The following CD163 variants were observed in gnomAD, a reference collection of about 807,000 sequenced individuals.
CD163 encodes scavenger receptor cysteine-rich type 1 protein M130.
Under a neutral mutation model 129.2 loss-of-function variants are expected in CD163, and 64 were observed. That is an observed-to-expected ratio of 0.50 (90% CI 0.41 to 0.61). The LOEUF (loss-of-function observed/expected upper bound fraction) is 0.61, where lower values mean the gene tolerates loss of function less well. Ranked by LOEUF, CD163 falls within the 20% of genes least tolerant of loss-of-function variation. The pLI is 0.00. For synonymous variants in CD163, 446 were observed against 478.5 expected (o/e 0.93, Z 0.89); for missense variants, 1,061 against 1,377.9 (o/e 0.77, Z 3.64).
At position 7,479,799 on chromosome 12, in the gene CD163, C is replaced by G. The variant is rs191084457; in HGVS notation, c.*31+61G>C. 242 of 1,553,224 alleles carry G rather than the reference C, an allele frequency of 1.6e-4. No individual in the cohort carries two copies. In the African/African-American group the frequency reaches 2.9e-3, roughly 19 times the overall value. On this transcript the variant is annotated intron_variant, in intron 16 of 16. Coordinates refer to ENST00000432237, the MANE Select transcript of CD163 (RefSeq NM_203416.4). Reference sequence around the variant, plus strand: ...CTTTCTTTCTAATGCCAGAAGAGCTCTCAGTCCTCAAAAGGAATGCAGCTG... The same window carrying G: ...CTTTCTTTCTAATGCCAGAAGAGCTGTCAGTCCTCAAAAGGAATGCAGCTG...
At chr12:7,474,057 C>T (rs1333181234) in intron 16 of CD163, among the ~76,000 whole-genome samples, 1 of 152,242 alleles carries the variant, frequency 6.6e-6, no homozygotes, top group Middle Eastern at 3.4e-3. Context: ...GCACCCAATA[C>T]AGGAGCACCC....
rs765718946 is a variant in CD163 at position 7,490,798 on chromosome 12, C to T, written c.1421-2711G>A. On this transcript the variant is annotated intron_variant, in intron 6 of 16. Transcript: ENST00000432237. ...TTTCACCCATTATCCATTAAATCTG[C>T]GCAAAGCAAATTCCTATCCAAATTT... Among the ~76,000 whole-genome samples the T allele has an allele frequency of 3.2e-4, 48 of 152,056 alleles. No individual in the cohort carries two copies. In the South Asian group the frequency reaches 9.5e-3, roughly 30 times the overall value.
intron 14 of CD163, among the ~76,000 whole-genome samples, chr12:7,482,328 A>T (rs1341470993): frequency 6.6e-6 from 1 of 152,110 alleles, no homozygotes; most frequent in African/African-American, 2.4e-5. Context: ...AATGCAACCT[A>T]AACCCCTTTT....
At chr12:7,471,991 G>A (rs1949012367) in intron 16 of CD163, 1 of 152,324 alleles carries the variant, frequency 6.6e-6, no homozygotes, top group African/African-American at 2.4e-5. Flanking sequence ...CCGTTGGCCA[G>A]ATTGCCTCTC....
intron 3 of CD163, among the ~76,000 whole-genome samples, chr12:7,500,051 T>C (rs1949457587): frequency 6.6e-6 from 1 of 152,170 alleles, no homozygotes; most frequent in Non-Finnish European, 1.5e-5. Flanking sequence ...TCATGATGCC[T>C]GGACAGAGAT....
Position 7,483,751 on chromosome 12 carries a change from T to A in CD163, c.2780-76A>T, listed in dbSNP as rs774995271. The A allele has an allele frequency of 1.6e-4, 148 of 903,802 alleles. No individual in the cohort carries two copies. In the African/African-American group the frequency reaches 2.0e-3, roughly 12 times the overall value. The allele number at this position is 903,802 out of a possible 1,614,324, so 56.0% of individuals were successfully genotyped here. A position where few individuals can be genotyped will look rare whatever the true frequency, so the allele number is the denominator to read the frequency against. On this transcript the variant is annotated intron_variant, in intron 11 of 16. Coordinates refer to ENST00000432237, the MANE Select transcript of CD163 (RefSeq NM_203416.4). ...AGGAGTTCACAGGTGAAAAGAGAGA[T>A]TTGAAACTTAAAAAAAAAAAAAAAC...
At chr12:7,500,072 T>A (rs1296956887) in intron 3 of CD163, among the ~76,000 whole-genome samples, 2 of 152,094 alleles carry the variant, frequency 1.3e-5, no homozygotes, top group African/African-American at 4.8e-5. Context: ...AAGTCCTTTC[T>A]ATAGTCAGTC....
intron 3 of CD163, 121 bp downstream of exon 3, chr12:7,501,018 T>C: frequency 1.3e-6 from 1 of 784,254 alleles, no homozygotes; most frequent in Non-Finnish European, 2.1e-6. Context: ...ATGGATGGAG[T>C]ACTTTTATAC....
In CD163 at chr12:7,485,772, A is replaced by G. The variant is rs75755940; in HGVS notation, c.2459-356T>C. ...AGTTAAAATTGTTAGACACTCAGGC[A>G]CTAAAATCAATGTTTTGTGTACATC... On this transcript the variant is annotated intron_variant, in intron 10 of 16. Coordinates refer to ENST00000432237, the MANE Select transcript of CD163 (RefSeq NM_203416.4). The surrounding 1 kb of genome is among the most constrained non-coding windows in gnomAD (Gnocchi z 4.5). Among the ~76,000 whole-genome samples, 5,043 of 152,216 alleles carry G rather than the reference A, an allele frequency of 0.033. 160 individuals are homozygous for G. Among genetic ancestry groups the G allele is most frequent in the Middle Eastern group, 0.065 (19 of 292 alleles).
chr12:7,502,342 A>G, intron 2 of CD163, 136 bp downstream of exon 2: 1 of 719,124 alleles, frequency 1.4e-6, no homozygotes, highest in Non-Finnish European at 2.5e-6. Context: ...GCTTTTAATA[A>G]TATCTGATCC....
chr12:7,482,819 C>T, intron 13 of CD163, 57 bp from the exon 14 acceptor site: 1 of 1,601,322 alleles, frequency 6.2e-7, no homozygotes, highest in Non-Finnish European at 8.5e-7. Context: ...AGATCAAGGT[C>T]CCTAGTTACT....
chr12:7,477,772 C>T (rs1949107444), intron 16 of CD163, among the ~76,000 whole-genome samples: 3 of 152,116 alleles, frequency 2.0e-5, no homozygotes, highest in African/African-American at 7.2e-5. Flanking sequence ...AAAAAAGAAT[C>T]GTCATTTTTT....
chr12:7,472,136 G>A lies in CD163; in HGVS notation c.*32-739C>T, dbSNP rs12317102. On this transcript the variant is annotated intron_variant, in intron 16 of 16. Coordinates refer to ENST00000432237, the MANE Select transcript of CD163 (RefSeq NM_203416.4). ...GGGCGGCTGTGGGTGCAGCTTCAGC[G>A]CACTTAAACATTCCTGTCTTCTGGC... 6.2e-3 allele frequency among the ~76,000 whole-genome samples: 943 copies of A among 152,298 alleles called. 12 individuals are homozygous for A. Among genetic ancestry groups the A allele is most frequent in the African/African-American group, 0.02 (846 of 41,564 alleles).
Position 7,487,263 on chromosome 12 carries a change from A to G in CD163, c.2050+96T>C, listed in dbSNP as rs1949264290. 1.5e-6 allele frequency: 2 copies of G among 1,293,286 alleles called. No homozygotes were observed. The highest frequency in any genetic ancestry group is 5.5e-5 in the Admixed American group (2 of 36,342). 80.1% of individuals were successfully genotyped at this position (1,293,286 alleles called of 1,614,324 possible). Reference sequence around the variant, plus strand: ...TGAATTAGTATTCATTCTTCTCATGACCCTTCAAAATGGATCACTGCGTTT... The same window carrying G: ...TGAATTAGTATTCATTCTTCTCATGGCCCTTCAAAATGGATCACTGCGTTT... On this transcript the variant is annotated intron_variant, in intron 8 of 16. Coordinates refer to ENST00000432237, the MANE Select transcript of CD163 (RefSeq NM_203416.4). The surrounding 1 kb of genome is among the most constrained non-coding windows in gnomAD (Gnocchi z 5.1).
In CD163 at chr12:7,496,513, T is replaced by A. The variant is rs1949403675; in HGVS notation, c.1099+300A>T. On this transcript the variant is annotated intron_variant, in intron 5 of 16. Coordinates refer to ENST00000432237, the MANE Select transcript of CD163 (RefSeq NM_203416.4). The surrounding 1 kb of genome is among the most constrained non-coding windows in gnomAD (Gnocchi z 4.8). ...TAAAAAAATAAGTAAATTAAAAAAA[T>A]TTAAAAACAGATTCCTAGGAAATTT... 6.6e-6 allele frequency among the ~76,000 whole-genome samples: 1 copy of A among 152,128 alleles called. No individual in the cohort carries two copies. The highest frequency in any genetic ancestry group is 1.5e-5 in the Non-Finnish European group (1 of 68,014).
chr12:7,483,058 A>C (rs1949185360), intron 12 of CD163, 54 bp from the exon 13 acceptor site: 1 of 1,561,970 alleles, frequency 6.4e-7, no homozygotes, highest in Admixed American at 1.7e-5. Flanking sequence ...ATATAGAACA[A>C]GCCTTCTGAT....
rs780190656 is a variant in CD163 at position 7,499,074 on chromosome 12, T to C, written c.572A>G (p.Asp191Gly). The change falls in exon 4 of 17, where the codon GAT becomes GGT. Residue 191 changes from aspartate to glycine, a missense_variant. By Grantham distance (94) the Asp-to-Gly change is moderately conservative. Transcript: ENST00000432237. ...TTGTCTACAAATGACAGATGCATGATCTATGTTGAAGTTATCATCACACAC... is the reference window on the plus strand; with the variant it reads ...TTGTCTACAAATGACAGATGCATGACCTATGTTGAAGTTATCATCACACAC... ...GTVCDDNFNI[D>G]HASVICRQLE... The C allele has an allele frequency of 2.5e-6, 4 of 1,614,140 alleles. No individual in the cohort carries two copies. Among genetic ancestry groups the C allele is most frequent in the Admixed American group, 1.7e-5 (1 of 60,018 alleles).
intron 6 of CD163, among the ~76,000 whole-genome samples, chr12:7,489,624 G>A (rs781565125): frequency 3.9e-5 from 6 of 151,998 alleles, no homozygotes; most frequent in African/African-American, 1.4e-4. Context: ...GTCTGTCAGT[G>A]AAGATAGATA....
chr12:7,485,095 C>T lies in CD163; in HGVS notation c.2779+1G>A. ...TTTCATATAGGTCGATGGATACTCA[C>T]TGTCACATGTGATCCAGGTCTCCTC... On this transcript the variant is annotated splice_donor_variant, in intron 11 of 16. Transcript: ENST00000432237. LOFTEE classifies it high-confidence loss of function. The surrounding 1 kb of genome is among the most constrained non-coding windows in gnomAD (Gnocchi z 4.5). The T allele has an allele frequency of 6.3e-7, 1 of 1,592,774 alleles. No homozygotes were observed. Among genetic ancestry groups the T allele is most frequent in the South Asian group, 1.1e-5 (1 of 88,530 alleles).
Sources: allele counts gnomAD v4.1 joint callset (sites outside exome capture counted in the v4.1 genomes callset), GRCh38; gene constraint gnomAD v4.1.1; non-coding constraint Gnocchi (gnomAD v3.1); transcripts MANE v1.5; gene names NCBI Gene and HGNC (gene_info 2026-07-23, HGNC 2026-07-21).